TPTE: variants seen among roughly 807,000 people sequenced by gnomAD.
TPTE encodes putative tyrosine-protein phosphatase TPTE.
TPTE carries 59 observed loss-of-function variants against 84.1 expected under a neutral mutation model. The observed-to-expected ratio is 0.70, with a 90% CI of 0.57 to 0.87. TPTE has a LOEUF of 0.87. Ranked by LOEUF, TPTE falls within the 40% of genes least tolerant of loss-of-function variation. The pLI, the probability that TPTE is intolerant of heterozygous loss-of-function variation, is 0.00. For missense variants in TPTE, 382 were observed against 659.6 expected (o/e 0.58, Z 4.61); for synonymous variants, 130 against 223.5 (o/e 0.58, Z 3.73).
intron 21 of TPTE, among the ~76,000 whole-genome samples, chr21:10,599,389 T>G (rs2879311): frequency 6.6e-6 from 1 of 152,308 alleles, no homozygotes; most frequent in Non-Finnish European, 1.5e-5. Context: ...AAATATGCAT[T>G]CTGAAATATT....
At chr21:10,573,244 CAAA>C (rs2075082006) in intron 14 of TPTE, among the ~76,000 whole-genome samples, 1 of 152,296 alleles carries the variant, frequency 6.6e-6, no homozygotes, top group African/African-American at 2.4e-5. Context: ...TATGAAGAGA[CAAA>C]GAAGGTCATT....
At chr21:10,528,241 A>G (rs1291957851) in intron 3 of TPTE, among the ~76,000 whole-genome samples, 2 of 152,302 alleles carry the variant, frequency 1.3e-5, no homozygotes, top group Non-Finnish European at 2.9e-5. Flanking sequence ...GTTTCTTACT[A>G]TTTACCTTTC....
At chr21:10,530,445 G>T (rs1600854332) in intron 3 of TPTE, among the ~76,000 whole-genome samples, 1 of 152,306 alleles carries the variant, frequency 6.6e-6, no homozygotes, top group African/African-American at 2.4e-5. Flanking sequence ...TACTTAAATG[G>T]TATTAAGTTG....
chr21:10,562,664 A>C (rs1209934289), intron 10 of TPTE, among the ~76,000 whole-genome samples: 2 of 152,430 alleles, frequency 1.3e-5, no homozygotes, highest in East Asian at 3.8e-4. Context: ...CAGAATTGAT[A>C]AACCAGAAGA....
chr21:10,585,874 A>G (rs1322202328), intron 17 of TPTE, among the ~76,000 whole-genome samples: 43 of 152,376 alleles, frequency 2.8e-4, no homozygotes, highest in Non-Finnish European at 5.0e-4. Flanking sequence ...CTTGACATCA[A>G]ATTGTTCACA....
chr21:10,550,223 C>A (rs1421633783), intron 7 of TPTE, among the ~76,000 whole-genome samples: 1 of 152,308 alleles, frequency 6.6e-6, no homozygotes, highest in Non-Finnish European at 1.5e-5. Context: ...CATGCAAAAC[C>A]TCCTCACCTA....
At chr21:10,533,962 T>A (rs1365690757) in intron 3 of TPTE, among the ~76,000 whole-genome samples, 3 of 152,280 alleles carry the variant, frequency 2.0e-5, no homozygotes, top group African/African-American at 7.2e-5. Flanking sequence ...CTTTGTTGTT[T>A]ACAACTGGTT....
chr21:10,534,445 T>C (rs1052672465), intron 3 of TPTE, among the ~76,000 whole-genome samples: 1 of 152,308 alleles, frequency 6.6e-6, no homozygotes, highest in African/African-American at 2.4e-5. Flanking sequence ...GCATGTGTTT[T>C]GTTTGTTTTG....
At chr21:10,524,531 CAA>C (rs2074045071) in intron 1 of TPTE, 47 bp from the exon 2 acceptor site, 3 of 152,516 alleles carry the variant, frequency 2.0e-5, no homozygotes, top group African/African-American at 7.2e-5. Flanking sequence ...TGAAAGGCAA[CAA>C]GAGAGAAAAC....
chr21:10,541,500 A>G (rs1196066696), intron 5 of TPTE, among the ~76,000 whole-genome samples: 14 of 152,276 alleles, frequency 9.2e-5, no homozygotes, highest in Non-Finnish European at 1.0e-4. Context: ...AGATGCACAC[A>G]CACACACACA....
intron 3 of TPTE, among the ~76,000 whole-genome samples, chr21:10,534,684 A>G (rs1011421250): frequency 6.6e-6 from 1 of 152,310 alleles, no homozygotes; most frequent in Non-Finnish European, 1.5e-5. Flanking sequence ...ATGTGTGTGT[A>G]TGTTCATAAA....
intron 7 of TPTE, among the ~76,000 whole-genome samples, chr21:10,550,433 ATACTTG>A (rs1179165181): frequency 6.6e-6 from 1 of 152,308 alleles, no homozygotes; most frequent in Non-Finnish European, 1.5e-5. Flanking sequence ...AGGGATAGCT[ATACTTG>A]TATCAGACAA....
intron 10 of TPTE, among the ~76,000 whole-genome samples, chr21:10,564,976 A>G (rs2074890148): frequency 2.0e-5 from 3 of 152,430 alleles, no homozygotes; most frequent in Middle Eastern, 3.4e-3. Flanking sequence ...CCGTTGTTCA[A>G]CATAGTACCG....
intron 17 of TPTE, among the ~76,000 whole-genome samples, chr21:10,589,160 T>G (rs1470011802): frequency 6.6e-6 from 1 of 152,310 alleles, no homozygotes; most frequent in Non-Finnish European, 1.5e-5. Context: ...TTTTTCTTTT[T>G]CTTTCCTTTC....
At chr21:10,522,152 C>CA (rs2073991329) in intron 1 of TPTE, among the ~76,000 whole-genome samples, 1 of 152,258 alleles carries the variant, frequency 6.6e-6, no homozygotes, top group Non-Finnish European at 1.5e-5. Context: ...TTGTCCCCCC[C>CA]CAGGATGACC....
At chr21:10,570,071 A>G (rs2075011369) in intron 13 of TPTE, among the ~76,000 whole-genome samples, 1 of 152,312 alleles carries the variant, frequency 6.6e-6, no homozygotes, top group African/African-American at 2.4e-5. Flanking sequence ...CTAGAATCCC[A>G]GAGAATGAGG....
At chr21:10,595,719 TG>T (rs2075569160) in intron 19 of TPTE, among the ~76,000 whole-genome samples, 1 of 152,312 alleles carries the variant, frequency 6.6e-6, no homozygotes, top group Non-Finnish European at 1.5e-5. Context: ...TCTGATTAGT[TG>T]CCCTGTCAAC....
chr21:10,523,465 A>C (rs36165619), intron 1 of TPTE, among the ~76,000 whole-genome samples: 13 of 114,278 alleles, frequency 1.1e-4, no homozygotes, highest in East Asian at 3.0e-4. Flanking sequence ...CCCACCCCAC[A>C]ACAGTCCCCA....
intron 8 of TPTE, among the ~76,000 whole-genome samples, chr21:10,553,298 A>C (rs1435560806): frequency 6.6e-6 from 1 of 152,294 alleles, no homozygotes; most frequent in African/African-American, 2.4e-5. Context: ...CATATTCAGG[A>C]GATTTTTCTT....
Sources: allele counts gnomAD v4.1 joint callset (sites outside exome capture counted in the v4.1 genomes callset), GRCh38; gene constraint gnomAD v4.1.1; transcripts MANE v1.5; gene names NCBI Gene and HGNC (gene_info 2026-07-23, HGNC 2026-07-21).